The following MAP4K4 variants were observed in gnomAD, a reference collection of about 807,000 sequenced individuals.
The protein encoded by MAP4K4 is HPK/GCK-like kinase HGK.
In MAP4K4, 38 loss-of-function variants were observed where a neutral mutation model predicts 189.6. That is an observed-to-expected ratio of 0.20 (90% CI 0.15 to 0.26). The LOEUF (loss-of-function observed/expected upper bound fraction) is 0.26. Ranked by LOEUF, MAP4K4 falls within the 10% of genes least tolerant of loss-of-function variation. MAP4K4 has a pLI of 1.00. For missense variants in MAP4K4, 1,054 were observed against 1,726.9 expected, an observed-to-expected ratio of 0.61 and a Z score of 6.91; for synonymous variants, 610 against 624.3, an observed-to-expected ratio of 0.98 and a Z score of 0.34.
chr2:101,867,897 G>T lies in MAP4K4; in HGVS notation c.2455-132G>T, dbSNP rs2097861962. On this transcript the variant is annotated intron_variant, in intron 20 of 32. Coordinates refer to ENST00000324219, the Ensembl canonical transcript of MAP4K4. ...GCTTTGTGGAATTTTAAGCCTGTCA[G>T]AGTTTTCATTTCCTGCTTGAACTGA... The T allele has an allele frequency of 8.4e-6, 7 of 828,528 alleles. No homozygotes were observed. The Admixed American group carries it at 1.4e-4, about 17-fold the overall frequency. The allele number at this position is 828,528 out of a possible 1,614,324, so 51.3% of individuals were successfully genotyped here. A position where few individuals can be genotyped will look rare whatever the true frequency, so the allele number is the denominator to read the frequency against.
chr2:101,724,848 T>C (rs62155722), intron 2 of MAP4K4, among the ~76,000 whole-genome samples: 18,106 of 152,244 alleles, frequency 0.12, 1,384 homozygotes, highest in South Asian at 0.19. Flanking sequence ...CACATAAGGA[T>C]GTTTTAATCC....
intron 2 of MAP4K4, among the ~76,000 whole-genome samples, chr2:101,755,439 T>C (rs1255271165): frequency 6.6e-6 from 1 of 152,108 alleles, no homozygotes; most frequent in Non-Finnish European, 1.5e-5. Flanking sequence ...AGAGAAACTC[T>C]TGTGGAAGAA....
exon 5 of MAP4K4, chr2:101,825,394 G>C: frequency 6.2e-7 from 1 of 1,613,658 alleles, no homozygotes; most frequent in Non-Finnish European, 8.5e-7. Context: ...ACTCAAAGAA[G>C]ACTGGATCGC....
At chr2:101,816,758 G>A (rs2095749413) in intron 3 of MAP4K4, among the ~76,000 whole-genome samples, 1 of 152,156 alleles carries the variant, frequency 6.6e-6, no homozygotes, top group South Asian at 2.1e-4. Context: ...AGGTCAGAGT[G>A]GTGCCACTGA....
chr2:101,863,542 A>G (rs1350865656), intron 16 of MAP4K4, among the ~76,000 whole-genome samples: 2 of 152,216 alleles, frequency 1.3e-5, no homozygotes, highest in African/African-American at 4.8e-5. Context: ...GGGGAAAAAA[A>G]AAATAAAAAT....
At chr2:101,826,299 C>A (rs867006319) in intron 5 of MAP4K4, among the ~76,000 whole-genome samples, 3 of 151,860 alleles carry the variant, frequency 2.0e-5, no homozygotes, top group Middle Eastern at 3.4e-3. Context: ...ATTTAAGATT[C>A]ATAGAGGATT....
chr2:101,781,153 G>A (rs960729542), intron 2 of MAP4K4, among the ~76,000 whole-genome samples: 1 of 151,994 alleles, frequency 6.6e-6, no homozygotes, highest in African/African-American at 2.4e-5. Context: ...TCCTTTTTTC[G>A]GACCCTTTAG....
intron 2 of MAP4K4, among the ~76,000 whole-genome samples, chr2:101,725,593 C>T (rs372492184): frequency 7.2e-5 from 11 of 152,204 alleles, no homozygotes; most frequent in East Asian, 3.8e-4. Context: ...TGCCTTGGCT[C>T]TGTGTGGTAC....
chr2:101,706,537 C>T (rs1034560416), intron 2 of MAP4K4, among the ~76,000 whole-genome samples: 1 of 152,140 alleles, frequency 6.6e-6, no homozygotes. Context: ...CCTCAGATAC[C>T]CTAAAAGGTA....
At chr2:101,715,020 A>G (rs1259088387) in intron 2 of MAP4K4, among the ~76,000 whole-genome samples, 2 of 152,208 alleles carry the variant, frequency 1.3e-5, no homozygotes, top group African/African-American at 2.4e-5. Context: ...CCATACCTGC[A>G]TTAGTCTGTT....
rs184817270 is a variant in MAP4K4 at position 101,887,787 on chromosome 2, A to G, written c.3781A>G (p.Ser1261Gly). The change falls in exon 31 of 33, where the codon AGC becomes GGC. Residue 1261 changes from serine (S) to glycine (G), a missense_variant. Transcript: ENST00000324219. ...TGTTCCTGTTCTCTAGATCCAGTGT[A>G]GCATCAAACCCCATGCAATCATCAT... 4 of 1,609,692 alleles carry G rather than the reference A, an allele frequency of 2.5e-6. No individual in the cohort carries two copies. The Admixed American group carries it at 5.0e-5, about 20-fold the overall frequency.
chr2:101,769,639 A>G (rs2080339143), intron 2 of MAP4K4, among the ~76,000 whole-genome samples: 1 of 150,958 alleles, frequency 6.6e-6, no homozygotes, highest in Admixed American at 6.6e-5. Context: ...GCTGGAGTGC[A>G]GTGGTGCGAT....
At chr2:101,837,600 A>G (rs532647795) in intron 9 of MAP4K4, among the ~76,000 whole-genome samples, 50 of 152,252 alleles carry the variant, frequency 3.3e-4, no homozygotes, top group East Asian at 7.7e-4. Flanking sequence ...TAGGGAAACC[A>G]TCAGTGTATA....
chr2:101,834,409 A>G, exon 8 of MAP4K4: 2 of 1,605,424 alleles, frequency 1.2e-6, no homozygotes, highest in Non-Finnish European at 1.7e-6. Context: ...ATTTTTGCAG[A>G]GTGATCTTTG....
chr2:101,736,377 C>T (rs903906160), intron 2 of MAP4K4, among the ~76,000 whole-genome samples: 17 of 152,338 alleles, frequency 1.1e-4, no homozygotes, highest in Admixed American at 2.6e-4. Context: ...CATCTCCTGC[C>T]TGCCAGGCAC....
At chr2:101,784,300 GTGTGTGTGTT>G (rs2089512923) in intron 2 of MAP4K4, among the ~76,000 whole-genome samples, 1 of 151,162 alleles carries the variant, frequency 6.6e-6, no homozygotes, top group East Asian at 1.9e-4. Context: ...GTGTGTGTGT[GTGTGTGTGTT>G]TTTAAACACC....
intron 2 of MAP4K4, among the ~76,000 whole-genome samples, chr2:101,714,028 C>T (rs1180812599): frequency 2.0e-5 from 3 of 150,246 alleles, no homozygotes; most frequent in Non-Finnish European, 3.0e-5. Flanking sequence ...ATATCTTTGT[C>T]TTAGAACCTC....
At chr2:101,876,890 T>C in intron 26 of MAP4K4, 113 bp from the exon 27 acceptor site, 1 of 1,022,238 alleles carries the variant, frequency 9.8e-7, no homozygotes, top group Non-Finnish European at 1.4e-6. Flanking sequence ...TGCTTCTGGG[T>C]GAATTAAGGA....
chr2:101,769,031 G>A (rs938227808), intron 2 of MAP4K4, among the ~76,000 whole-genome samples: 1 of 152,168 alleles, frequency 6.6e-6, no homozygotes. Flanking sequence ...TGTGAATTTT[G>A]TGACTTTTAG....
Sources: allele counts gnomAD v4.1 joint callset (sites outside exome capture counted in the v4.1 genomes callset), GRCh38; gene constraint gnomAD v4.1.1; transcripts MANE v1.5; gene names NCBI Gene and HGNC (gene_info 2026-07-23, HGNC 2026-07-21).